Variants in TMEM202 observed in about 807,000 individuals in gnomAD.
TMEM202 encodes transmembrane protein 202.
In TMEM202, 25 loss-of-function variants were observed where a neutral mutation model predicts 26.1. That is an observed-to-expected ratio of 0.96 (90% confidence interval 0.70 to 1.34). The LOEUF is 1.34. Among genes scored for constraint, TMEM202 ranks in the 40% most tolerant of loss-of-function variants. The pLI, the probability that TMEM202 is intolerant of heterozygous loss-of-function variation, is 0.00. For synonymous variants in TMEM202, 122 were observed against 119.0 expected (o/e 1.02, Z -0.16); for missense variants, 301 against 327.7 (o/e 0.92, Z 0.63).
chr15:72,398,771 G>C lies in TMEM202; in HGVS notation c.200G>C (p.Ser67Thr). ...RTLCGSLCSFSLLMLIAMSPL... is the reference protein window; with the variant it reads ...RTLCGSLCSFTLLMLIAMSPL... ...CTCTGTGGCAGCCTCTGTAGTTTTA[G>C]CCTCCTAATGCTGATCGCCATGTCC... The change falls in exon 2 of 5, where the codon AGC (serine) becomes ACC (threonine). Residue 67 changes from serine (S) to threonine (T), a missense_variant. Coordinates refer to ENST00000341689, the MANE Select transcript of TMEM202 (RefSeq NM_001080462.3). 2 of 1,614,112 alleles carry C rather than the reference G, an allele frequency of 1.2e-6. No homozygotes were observed. Among genetic ancestry groups the C allele is most frequent in the Non-Finnish European group, 1.7e-6 (2 of 1,180,028 alleles).
intron 2 of TMEM202, among the ~76,000 whole-genome samples, chr15:72,403,485 G>A (rs2063557856): frequency 6.6e-6 from 1 of 152,184 alleles, no homozygotes; most frequent in Admixed American, 6.5e-5. Context: ...TTTGGATACA[G>A]TTGACCCAGA....
In TMEM202 at chr15:72,405,760, G is replaced by A. The variant is rs2063567984; in HGVS notation, c.338-842G>A. On this transcript the variant is annotated intron_variant, in intron 2 of 4. Transcript: ENST00000341689. ...CCCAGCACTTTGAGAGGTCAAGGCG[G>A]GCAGATCACCTGAGGTCAGGAGTTC... 2.0e-5 allele frequency among the ~76,000 whole-genome samples: 3 copies of A among 152,106 alleles called. No homozygotes were observed. The South Asian group carries it at 6.2e-4, about 32-fold the overall frequency.
intron 2 of TMEM202, among the ~76,000 whole-genome samples, chr15:72,403,298 G>A (rs538011223): frequency 6.6e-6 from 1 of 152,220 alleles, no homozygotes; most frequent in South Asian, 2.1e-4. Flanking sequence ...CTGATCCCGA[G>A]AACATCTACG....
chr15:72,401,500 G>A (rs539512385), intron 2 of TMEM202, among the ~76,000 whole-genome samples: 1 of 152,272 alleles, frequency 6.6e-6, no homozygotes, highest in South Asian at 2.1e-4. Flanking sequence ...CCGAGATTGA[G>A]CTACTGTACT....
At chr15:72,399,910 C>G (rs2063539893) in intron 2 of TMEM202, among the ~76,000 whole-genome samples, 1 of 152,208 alleles carries the variant, frequency 6.6e-6, no homozygotes, top group Non-Finnish European at 1.5e-5. Context: ...ATTCTCATCA[C>G]ATAAGCAGGG....
chr15:72,407,331 T>C (rs746870433), intron 4 of TMEM202, 114 bp downstream of exon 4: 116 of 1,258,548 alleles, frequency 9.2e-5, no homozygotes, highest in Non-Finnish European at 1.1e-4. Context: ...AGAACACTGA[T>C]ACTTGGAGAG....
Position 72,398,841 on chromosome 15 carries a change from G to T in TMEM202, c.270G>T (p.Glu90Asp), listed in dbSNP as rs1217246214. ...VQFLVIKNGL[E>D]LYAGLWTLCN... ...TTCTGGTGATCAAGAATGGCCTTGA[G>T]CTCTACGCAGGACTCTGGACCTTAT... The change falls in exon 2 of 5, where the codon GAG (glutamate) becomes GAT (aspartate). Residue 90 changes from glutamate to aspartate, a missense_variant. Transcript: ENST00000341689. 1 of 1,614,136 alleles carries T rather than the reference G, an allele frequency of 6.2e-7. No homozygotes were observed. The highest frequency in any genetic ancestry group is 8.5e-7 in the Non-Finnish European group (1 of 1,180,026).
Position 72,398,414 on chromosome 15 carries a change from A to C in TMEM202, c.81+7A>C, listed in dbSNP as rs2063531554. 6.2e-7 allele frequency: 1 copy of C among 1,605,526 alleles called. No individual in the cohort carries two copies. Among genetic ancestry groups the C allele is most frequent in the South Asian group, 1.1e-5 (1 of 89,310 alleles). ...GAACCGGAAATACCAAAGGGTGAGG[A>C]GGTATCTAATTGAAAGTCAGATGGG... On this transcript the variant is annotated splice_region_variant and intron_variant, in intron 1 of 4. Transcript: ENST00000341689.
chr15:72,404,350 G>C (rs2063561734), intron 2 of TMEM202, among the ~76,000 whole-genome samples: 1 of 152,102 alleles, frequency 6.6e-6, no homozygotes, highest in African/African-American at 2.4e-5. Context: ...GGGAGTTGGA[G>C]GCTGCAGTGA....
rs552064568 is a variant in TMEM202, at chr15:72,407,687, G to T, written c.620-4G>T. 6.2e-7 allele frequency: 1 copy of T among 1,613,514 alleles called. No homozygotes were observed. The highest frequency in any genetic ancestry group is 2.2e-5 in the East Asian group (1 of 44,902). On this transcript the variant is annotated splice_polypyrimidine_tract_variant and splice_region_variant and intron_variant, in intron 4 of 4. Transcript: ENST00000341689. ...CCTCACCTCAAATTATTCCCTTCCC[G>T]TAGGGATCATCTCTCTTCTCAACTA...
chr15:72,406,598 G>A lies in TMEM202; in HGVS notation c.338-4G>A, dbSNP rs2063572676. ...ACGGTCTTCCTTTCCTCTTCTTCAT[G>A]CAGATTATCTCCAATATTCCAGGGC... is the stretch of plus-strand genomic sequence containing the variant. On this transcript the variant is annotated splice_region_variant and splice_polypyrimidine_tract_variant and intron_variant, in intron 2 of 4. Coordinates refer to ENST00000341689, the MANE Select transcript of TMEM202 (RefSeq NM_001080462.3). 6.2e-7 allele frequency: 1 copy of A among 1,613,102 alleles called. No individual in the cohort carries two copies. Among genetic ancestry groups the A allele is most frequent in the Admixed American group, 1.7e-5 (1 of 59,902 alleles).
intron 2 of TMEM202, among the ~76,000 whole-genome samples, chr15:72,404,240 C>A (rs766309476): frequency 6.6e-6 from 1 of 151,840 alleles, no homozygotes; most frequent in Non-Finnish European, 1.5e-5. Context: ...ATGGTGAAAC[C>A]CCACCTCCAC....
intron 2 of TMEM202, among the ~76,000 whole-genome samples, chr15:72,399,234 C>T (rs1041561164): frequency 6.6e-6 from 1 of 152,242 alleles, no homozygotes; most frequent in African/African-American, 2.4e-5. Flanking sequence ...ACCTCCAGGA[C>T]TCAAGCAATC....
In TMEM202 at chr15:72,408,164, G is replaced by T; in HGVS notation, c.*271G>T. 2.9e-6 allele frequency: 1 copy of T among 349,580 alleles called. No individual in the cohort carries two copies. The highest frequency in any genetic ancestry group is 5.3e-6 in the Non-Finnish European group (1 of 189,768). 21.7% of individuals were successfully genotyped at this position (349,580 alleles called of 1,614,324 possible). On this transcript the variant is annotated 3_prime_UTR_variant, in exon 5 of 5. Transcript: ENST00000341689. Reference sequence around the variant, plus strand: ...AAACTAGTGAAAGATGCAGTGTGTAGACCAGAGACCTCTTTGGGTATCAGG... The same window carrying T: ...AAACTAGTGAAAGATGCAGTGTGTATACCAGAGACCTCTTTGGGTATCAGG...
In TMEM202 at chr15:72,403,867, C is replaced by T. The variant is rs80110907; in HGVS notation, c.338-2735C>T. On this transcript the variant is annotated intron_variant, in intron 2 of 4. Coordinates refer to ENST00000341689, the MANE Select transcript of TMEM202 (RefSeq NM_001080462.3). ...GGGAAGGTTAGACTCTTCTATGCTGCACATCTTTAAATTGTTCCTTCAGAG... is the reference window on the plus strand; with the variant it reads ...GGGAAGGTTAGACTCTTCTATGCTGTACATCTTTAAATTGTTCCTTCAGAG... Among the ~76,000 whole-genome samples, 257 of 152,266 alleles carry T rather than the reference C, an allele frequency of 1.7e-3. 1 individual carries two copies. Among genetic ancestry groups the T allele is most frequent in the African/African-American group, 6.0e-3 (251 of 41,544 alleles).
chr15:72,408,127 C>A lies in TMEM202; in HGVS notation c.*234C>A. ...AAAAGAAAACAACAATGTTTAGAGT[C>A]ATGAATGAAAGAAACTAGTGAAAGA... is the stretch of plus-strand genomic sequence containing the variant. On this transcript the variant is annotated 3_prime_UTR_variant, in exon 5 of 5. Coordinates refer to ENST00000341689, the MANE Select transcript of TMEM202 (RefSeq NM_001080462.3). 2.1e-6 allele frequency: 1 copy of A among 469,420 alleles called. No homozygotes were observed. The highest frequency in any genetic ancestry group is 3.8e-6 in the Non-Finnish European group (1 of 261,722). 29.1% of individuals were successfully genotyped at this position (469,420 alleles called of 1,614,324 possible). A position where few individuals can be genotyped will look rare whatever the true frequency, so the allele number is the denominator to read the frequency against.
intron 2 of TMEM202, among the ~76,000 whole-genome samples, chr15:72,403,364 C>T (rs2063557357): frequency 6.6e-6 from 1 of 152,166 alleles, no homozygotes; most frequent in African/African-American, 2.4e-5. Flanking sequence ...TTGAAAGTGA[C>T]ATCCTTTCTC....
chr15:72,407,970 A>C lies in TMEM202; in HGVS notation c.*77A>C, dbSNP rs1335216273. ...GGAATGGTCACATAAATTCTGGGAAACTCTCCTAATATCATGTCCATATTA... is the reference window on the plus strand; with the variant it reads ...GGAATGGTCACATAAATTCTGGGAACCTCTCCTAATATCATGTCCATATTA... On this transcript the variant is annotated 3_prime_UTR_variant, in exon 5 of 5. Coordinates refer to ENST00000341689, the MANE Select transcript of TMEM202 (RefSeq NM_001080462.3). 2.5e-6 allele frequency: 3 copies of C among 1,220,622 alleles called. No individual in the cohort carries two copies. In the Admixed American group the frequency reaches 5.8e-5, roughly 24 times the overall value. The allele number at this position is 1,220,622 out of a possible 1,614,324, so 75.6% of individuals were successfully genotyped here.
rs897078134 is a variant in TMEM202, at chr15:72,408,117, T to C, written c.*224T>C. The C allele has an allele frequency of 3.8e-5, 19 of 498,168 alleles. No individual in the cohort carries two copies. The highest frequency in any genetic ancestry group is 6.8e-5 in the Non-Finnish European group (19 of 279,038). The allele number at this position is 498,168 out of a possible 1,614,324, so 30.9% of individuals were successfully genotyped here. A position where few individuals can be genotyped will look rare whatever the true frequency, so the allele number is the denominator to read the frequency against. On this transcript the variant is annotated 3_prime_UTR_variant, in exon 5 of 5. Coordinates refer to ENST00000341689, the MANE Select transcript of TMEM202 (RefSeq NM_001080462.3). ...AAACATTTCTAAAAGAAAACAACAATGTTTAGAGTCATGAATGAAAGAAAC... is the reference window on the plus strand; with the variant it reads ...AAACATTTCTAAAAGAAAACAACAACGTTTAGAGTCATGAATGAAAGAAAC...
Sources: allele counts gnomAD v4.1 joint callset (sites outside exome capture counted in the v4.1 genomes callset), GRCh38; gene constraint gnomAD v4.1.1; transcripts MANE v1.5; gene names NCBI Gene and HGNC (gene_info 2026-07-23, HGNC 2026-07-21).